SGCZ: variants seen among roughly 807,000 people sequenced by gnomAD.
SGCZ encodes sarcoglycan zeta, also known as zeta-sarcoglycan.
Under a neutral mutation model 41.3 loss-of-function variants are expected in SGCZ, and 40 were observed. That is an observed-to-expected ratio of 0.97 (90% CI 0.75 to 1.26). The LOEUF is 1.26. Ranked by LOEUF, SGCZ falls within the 50% of genes most tolerant of loss-of-function variation. The pLI is 0.00. For missense variants in SGCZ, 552 were observed against 369.8 expected (o/e 1.49, Z -4.04); for synonymous variants, 206 against 137.5 (o/e 1.50, Z -3.49).
chr8:14,419,861 T>G lies in SGCZ; in HGVS notation c.235-95657A>C, dbSNP rs112130578. The stretch of plus-strand genomic sequence containing the variant: ...TGAATTTGCTGACTTGAAAGTCCAA[T>G]CTTTATGCCGAAATTATTAGCGTTT... On this transcript the variant is annotated intron_variant, in intron 2 of 7. Transcript: ENST00000382080. 4.6e-3 allele frequency among the ~76,000 whole-genome samples: 705 copies of G among 152,132 alleles called. 6 individuals carry two copies. Among genetic ancestry groups the G allele is most frequent in the Non-Finnish European group, 7.1e-3 (485 of 67,960 alleles).
intron 3 of SGCZ, among the ~76,000 whole-genome samples, chr8:14,282,202 T>C (rs1800469491): frequency 6.6e-6 from 1 of 152,152 alleles, no homozygotes; most frequent in Non-Finnish European, 1.5e-5. Flanking sequence ...TTTGCCTTAA[T>C]AGACTAACCC....
intron 1 of SGCZ, among the ~76,000 whole-genome samples, chr8:14,764,472 T>C (rs1799980192): frequency 6.6e-6 from 1 of 152,208 alleles, no homozygotes; most frequent in Non-Finnish European, 1.5e-5. Context: ...CTTGAAGTGA[T>C]GCAAAGCTAA....
chr8:14,264,326 G>C (rs1294745536), intron 3 of SGCZ, among the ~76,000 whole-genome samples: 1 of 152,108 alleles, frequency 6.6e-6, no homozygotes, highest in Admixed American at 6.5e-5. Context: ...GACCAGCATC[G>C]GGTCCTTCAC....
intron 2 of SGCZ, among the ~76,000 whole-genome samples, chr8:14,496,204 T>A (rs1238703144): frequency 2.0e-5 from 3 of 151,868 alleles, no homozygotes; most frequent in East Asian, 1.9e-4. Context: ...TAGATGGGAC[T>A]TCAGGTGCAC....
At chr8:14,716,451 T>A (rs369233992) in intron 1 of SGCZ, among the ~76,000 whole-genome samples, 50 of 152,218 alleles carry the variant, frequency 3.3e-4, no homozygotes, top group African/African-American at 1.2e-3. Flanking sequence ...CAAAACTGAA[T>A]GCACACTTAC....
intron 1 of SGCZ, among the ~76,000 whole-genome samples, chr8:14,929,451 A>G (rs982983499): frequency 6.6e-6 from 1 of 150,842 alleles, no homozygotes; most frequent in African/African-American, 2.5e-5. Context: ...TTAGGAAAGT[A>G]TCTTACCGAA....
intron 2 of SGCZ, among the ~76,000 whole-genome samples, chr8:14,456,861 T>C (rs1800760226): frequency 6.6e-6 from 1 of 152,162 alleles, no homozygotes; most frequent in Non-Finnish European, 1.5e-5. Flanking sequence ...TCATAAGATC[T>C]GGTGGTTTAA....
chr8:14,787,296 T>A lies in SGCZ; in HGVS notation c.40-232370A>T, dbSNP rs192868145. On this transcript the variant is annotated intron_variant, in intron 1 of 7. Coordinates refer to ENST00000382080, the MANE Select transcript of SGCZ (RefSeq NM_139167.4). The stretch of plus-strand genomic sequence containing the variant: ...CTCCCAATAAGTAATAACTTAGAGT[T>A]GTGCAAACCTCCCAAACTTATATAT... Among the ~76,000 whole-genome samples, 273 of 152,230 alleles carry A rather than the reference T, an allele frequency of 1.8e-3. 1 individual carries two copies. Among genetic ancestry groups the A allele is most frequent in the African/African-American group, 6.3e-3 (261 of 41,566 alleles).
At chr8:14,866,854 G>A (rs1013602739) in intron 1 of SGCZ, among the ~76,000 whole-genome samples, 2 of 151,926 alleles carry the variant, frequency 1.3e-5, no homozygotes, top group Non-Finnish European at 2.9e-5. Flanking sequence ...GAAACTAAAA[G>A]AAAAAAAAGT....
intron 1 of SGCZ, among the ~76,000 whole-genome samples, chr8:14,559,786 G>A (rs780674949): frequency 2.6e-5 from 4 of 151,882 alleles, no homozygotes; most frequent in East Asian, 1.9e-4. Context: ...CGCTGATAAC[G>A]GTAGATAATT....
chr8:14,872,423 G>A (rs1197626403), intron 1 of SGCZ, among the ~76,000 whole-genome samples: 2 of 152,004 alleles, frequency 1.3e-5, no homozygotes, highest in Non-Finnish European at 2.9e-5. Context: ...TATTATAAAA[G>A]TGGTTACTAT....
intron 1 of SGCZ, among the ~76,000 whole-genome samples, chr8:14,840,308 A>T (rs962933511): frequency 2.8e-4 from 42 of 152,166 alleles, no homozygotes; most frequent in African/African-American, 9.2e-4. Context: ...AATTCTAAAC[A>T]TATTTATTCA....
At chr8:14,344,836 C>T (rs1802839292) in intron 2 of SGCZ, among the ~76,000 whole-genome samples, 2 of 149,762 alleles carry the variant, frequency 1.3e-5, no homozygotes, top group Non-Finnish European at 2.9e-5. Flanking sequence ...ACTAAAACTA[C>T]AATTTTTTTT....
intron 1 of SGCZ, among the ~76,000 whole-genome samples, chr8:14,872,760 T>C (rs990314089): frequency 1.6e-4 from 24 of 152,186 alleles, no homozygotes; most frequent in Admixed American, 5.9e-4. Flanking sequence ...AGATACTCTA[T>C]TGAGTTAATT....
At chr8:14,765,891 G>A (rs954352748) in intron 1 of SGCZ, among the ~76,000 whole-genome samples, 1 of 151,502 alleles carries the variant, frequency 6.6e-6, no homozygotes, top group African/African-American at 2.4e-5. Flanking sequence ...TTGGAGGAGA[G>A]AGGTTGCCAG....
intron 1 of SGCZ, among the ~76,000 whole-genome samples, chr8:15,125,796 A>G (rs1275173128): frequency 6.6e-6 from 1 of 152,194 alleles, no homozygotes; most frequent in African/African-American, 2.4e-5. Flanking sequence ...ATTACCTTTA[A>G]CTTCCATAAA....
Position 14,718,171 on chromosome 8 carries a change from C to G in SGCZ, c.40-163245G>C, listed in dbSNP as rs188858754. 2.0e-4 allele frequency among the ~76,000 whole-genome samples: 30 copies of G among 151,974 alleles called. No individual in the cohort carries two copies. In the East Asian group the frequency reaches 5.6e-3, roughly 28 times the overall value. On this transcript the variant is annotated intron_variant, in intron 1 of 7. Coordinates refer to ENST00000382080, the MANE Select transcript of SGCZ (RefSeq NM_139167.4). The stretch of plus-strand genomic sequence containing the variant: ...ACACATATGCATGCACACACACACA[C>G]ACAAACACACATACAAACAAAAACT...
chr8:14,621,483 A>G (rs1585131744), intron 1 of SGCZ, among the ~76,000 whole-genome samples: 1 of 152,168 alleles, frequency 6.6e-6, no homozygotes, highest in East Asian at 1.9e-4. Context: ...CACAAAAAAA[A>G]TAAAAATAAA....
chr8:15,093,652 A>G (rs1806230596), intron 1 of SGCZ, among the ~76,000 whole-genome samples: 2 of 152,216 alleles, frequency 1.3e-5, no homozygotes, highest in South Asian at 4.1e-4. Flanking sequence ...GGAATGGTAG[A>G]ACATCAACAG....
Sources: gnomAD v4.1 joint callset for allele counts (sites outside exome capture counted in the v4.1 genomes callset) on GRCh38, gnomAD v4.1.1 for gene constraint, MANE v1.5 for transcripts, NCBI Gene and HGNC (gene_info 2026-07-23, HGNC 2026-07-21) for gene names.